The following ANKS1B variants were observed in gnomAD, a reference collection of about 807,000 sequenced individuals.
ANKS1B encodes ankyrin repeat and sterile alpha motif domain-containing protein 1B.
In ANKS1B, 36 loss-of-function variants were observed where a neutral mutation model predicts 148.3. The observed-to-expected ratio is 0.24, with a 90% confidence interval of 0.19 to 0.32. The LOEUF is 0.32. Among genes scored for constraint, ANKS1B ranks in the 10% least tolerant of loss-of-function variants. The pLI, the probability that ANKS1B is intolerant of heterozygous loss-of-function variation, is 1.00. For synonymous variants in ANKS1B, 542 were observed against 560.8 expected (o/e 0.97, Z 0.47); for missense variants, 1,157 against 1,542.6 (o/e 0.75, Z 4.19).
At chr12:99,764,797 G>C (rs957948824) in intron 8 of ANKS1B, among the ~76,000 whole-genome samples, 4 of 152,114 alleles carry the variant, frequency 2.6e-5, no homozygotes, top group African/African-American at 7.2e-5. Flanking sequence ...ATATGATGAA[G>C]CTAGAAATGA....
At chr12:99,150,752 A>G (rs1377869696) in intron 15 of ANKS1B, among the ~76,000 whole-genome samples, 1 of 152,112 alleles carries the variant, frequency 6.6e-6, no homozygotes, top group Non-Finnish European at 1.5e-5. Context: ...ACTTAGACAC[A>G]TTCTCTATGT....
Position 98,745,492 on chromosome 12 carries a change from G to C in ANKS1B, c.*247C>G. 8.5e-7 allele frequency: 1 copy of C among 1,177,596 alleles called. No homozygotes were observed. The highest frequency in any genetic ancestry group is 1.1e-6 in the Non-Finnish European group (1 of 950,736). 72.9% of individuals were successfully genotyped at this position (1,177,596 alleles called of 1,614,324 possible). On this transcript the variant is annotated 3_prime_UTR_variant, in exon 27 of 27. Transcript: ENST00000683438. ...TTGGGAGGTGGTGGGGAGGGGAGTCGGGAGCATCAGGGAAAACCCATCTCA... is the reference window on the plus strand; with the variant it reads ...TTGGGAGGTGGTGGGGAGGGGAGTCCGGAGCATCAGGGAAAACCCATCTCA...
chr12:98,900,993 C>T (rs1213908335), intron 17 of ANKS1B, among the ~76,000 whole-genome samples: 1 of 152,208 alleles, frequency 6.6e-6, no homozygotes, highest in African/African-American at 2.4e-5. Context: ...TTTGCTCTCA[C>T]AGTAACTTTG....
chr12:99,271,662 CTATATATATATATATATATATA>C (rs59207203), intron 12 of ANKS1B, among the ~76,000 whole-genome samples: 2 of 94,222 alleles, frequency 2.1e-5, no homozygotes, highest in African/African-American at 9.3e-5. Flanking sequence ...AGTCAATAAA[CTATATATATATATATATATATA>C]TATATATATT....
rs747878980 is a variant in ANKS1B at position 99,812,216 on chromosome 12, TCTC to T, written c.308_310del (p.Gly103del). ...AATAAGAATCTTCACAATTTCCACA[TCTC>T]CTTTCCAGGCAGCCAGGTGAATAGG... On this transcript the variant is annotated inframe_deletion, in exon 3 of 27. Coordinates refer to ENST00000683438, the MANE Select transcript of ANKS1B (RefSeq NM_001352186.2). 6.2e-7 allele frequency: 1 copy of T among 1,611,944 alleles called. No homozygotes were observed. The highest frequency in any genetic ancestry group is 1.3e-5 in the African/African-American group (1 of 74,740).
intron 1 of ANKS1B, among the ~76,000 whole-genome samples, chr12:99,901,777 T>C (rs2093608984): frequency 6.6e-6 from 1 of 151,810 alleles, no homozygotes. Context: ...TAACACAACA[T>C]TCCCTTCTTA....
rs146552297 is a variant in ANKS1B, at chr12:99,526,463, G to C, written c.1273-21822C>G. Among the ~76,000 whole-genome samples the C allele has an allele frequency of 5.2e-3, 785 of 152,254 alleles. 4 individuals are homozygous for C. Among genetic ancestry groups the C allele is most frequent in the Non-Finnish European group, 7.1e-3 (483 of 68,016 alleles). ...AAAAATGCTAAATGCTGGATATGCT[G>C]TATGTTTCTATTAAATAATAAAATG... On this transcript the variant is annotated intron_variant, in intron 9 of 26. Coordinates refer to ENST00000683438, the MANE Select transcript of ANKS1B (RefSeq NM_001352186.2).
chr12:98,995,326 C>G lies in ANKS1B; in HGVS notation c.2778+57831G>C, dbSNP rs766916441. Among the ~76,000 whole-genome samples, 3 of 152,130 alleles carry G rather than the reference C, an allele frequency of 2.0e-5. No homozygotes were observed. The East Asian group carries it at 5.8e-4, about 29-fold the overall frequency. On this transcript the variant is annotated intron_variant, in intron 17 of 26. Coordinates refer to ENST00000683438, the MANE Select transcript of ANKS1B (RefSeq NM_001352186.2). ...TGGAAGCTGGCCAGGCATGGTGGTT[C>G]ACGCCTGTAATCCCAGCACTTTGGG...
chr12:99,192,395 G>A (rs1391591046), intron 14 of ANKS1B, among the ~76,000 whole-genome samples: 1 of 151,972 alleles, frequency 6.6e-6, no homozygotes, highest in Non-Finnish European at 1.5e-5. Flanking sequence ...TGTTTCTCTA[G>A]GCCATTGAAC....
intron 1 of ANKS1B, among the ~76,000 whole-genome samples, chr12:99,952,068 T>C (rs1202612955): frequency 1.3e-5 from 2 of 152,236 alleles, no homozygotes; most frequent in Non-Finnish European, 2.9e-5. Context: ...TACAATTATA[T>C]GTCAGTTAAA....
intron 10 of ANKS1B, among the ~76,000 whole-genome samples, chr12:99,502,866 G>A (rs1308134952): frequency 2.6e-5 from 4 of 152,108 alleles, no homozygotes; most frequent in African/African-American, 9.7e-5. Flanking sequence ...CCTCAGTACT[G>A]CTCAAAAATC....
At chr12:98,991,632 T>A (rs939827775) in intron 17 of ANKS1B, among the ~76,000 whole-genome samples, 1 of 152,164 alleles carries the variant, frequency 6.6e-6, no homozygotes, top group Non-Finnish European at 1.5e-5. Flanking sequence ...TGCTACACAA[T>A]CTGGTAACCT....
At chr12:99,731,541 A>G (rs1215858345) in intron 8 of ANKS1B, among the ~76,000 whole-genome samples, 3 of 152,000 alleles carry the variant, frequency 2.0e-5, no homozygotes, top group Admixed American at 1.3e-4. Flanking sequence ...CTCCCAGTCA[A>G]TTAACAAAAG....
chr12:99,181,995 A>G (rs1340906598), intron 14 of ANKS1B, among the ~76,000 whole-genome samples: 1 of 152,092 alleles, frequency 6.6e-6, no homozygotes, highest in Non-Finnish European at 1.5e-5. Flanking sequence ...AACCATATGT[A>G]TTAGTCCATT....
intron 15 of ANKS1B, among the ~76,000 whole-genome samples, chr12:99,134,045 A>G (rs1034904791): frequency 6.6e-6 from 1 of 152,098 alleles, no homozygotes; most frequent in Non-Finnish European, 1.5e-5. Context: ...CTCCTTAATC[A>G]TCTCCACTGT....
intron 9 of ANKS1B, among the ~76,000 whole-genome samples, chr12:99,628,673 C>T (rs548552712): frequency 6.6e-6 from 1 of 152,244 alleles, no homozygotes; most frequent in East Asian, 1.9e-4. Context: ...TTATTTGGCT[C>T]ACAGTTCTGG....
At position 98,832,254 on chromosome 12, in the gene ANKS1B, T is replaced by C. The variant is rs1015136645; in HGVS notation, c.2779-118A>G. The C allele has an allele frequency of 2.4e-5, 18 of 763,744 alleles. No homozygotes were observed. The African/African-American group carries it at 3.0e-4, about 13-fold the overall frequency. 47.3% of individuals were successfully genotyped at this position (763,744 alleles called of 1,614,324 possible). On this transcript the variant is annotated intron_variant, in intron 17 of 26. Coordinates refer to ENST00000683438, the MANE Select transcript of ANKS1B (RefSeq NM_001352186.2). ...AAAGTTACTCCTGCACCATGAGATG[T>C]GGTGTCACTTCAGTGTGACCGCTGA...
intron 8 of ANKS1B, among the ~76,000 whole-genome samples, chr12:99,769,462 T>C (rs2062988998): frequency 6.6e-6 from 1 of 152,214 alleles, no homozygotes; most frequent in Admixed American, 6.5e-5. Flanking sequence ...AACATACAAC[T>C]ACCACTTTTA....
chr12:99,564,437 AAAAT>A (rs1471673740), intron 9 of ANKS1B, among the ~76,000 whole-genome samples: 42 of 152,040 alleles, frequency 2.8e-4, no homozygotes, highest in African/African-American at 9.1e-4. Flanking sequence ...ATTTTTTATA[AAAAT>A]AAATGATAAA....
Sources: allele counts gnomAD v4.1 joint callset (sites outside exome capture counted in the v4.1 genomes callset), GRCh38; gene constraint gnomAD v4.1.1; transcripts MANE v1.5; gene names NCBI Gene and HGNC (gene_info 2026-07-23, HGNC 2026-07-21).